TUBGCP3: variants seen among roughly 807,000 people sequenced by gnomAD.
TUBGCP3 encodes gamma-tubulin complex component 3.
In TUBGCP3, 50 loss-of-function variants were observed where a neutral mutation model predicts 123.1. The ratio of observed to expected loss-of-function variants is 0.41; its 90% CI spans 0.32 to 0.51. The LOEUF is 0.51. Ranked by LOEUF, TUBGCP3 falls within the 20% of genes least tolerant of loss-of-function variation. The pLI is 0.36. For synonymous variants in TUBGCP3, 405 were observed against 413.9 expected (o/e 0.98, Z 0.26); for missense variants, 882 against 1,127.0 (o/e 0.78, Z 3.11).
At chr13:112,526,565 A>G (rs1877126177) in intron 13 of TUBGCP3, among the ~76,000 whole-genome samples, 1 of 134,366 alleles carries the variant, frequency 7.4e-6, no homozygotes. Context: ...ACATCATCAC[A>G]TCACCATAAT....
chr13:112,526,942 C>T lies in TUBGCP3; in HGVS notation c.1555G>A (p.Ala519Thr). 2 of 1,608,788 alleles carry T rather than the reference C, an allele frequency of 1.2e-6. No homozygotes were observed. Among genetic ancestry groups the T allele is most frequent in the South Asian group, 1.1e-5 (1 of 90,670 alleles). The change falls in exon 13 of 22, where the codon GCT (alanine) becomes ACT (threonine). Residue 519 changes from alanine (A) to threonine (T), a missense_variant and splice_region_variant. Physicochemically the swap from Ala to Thr is moderately conservative, Grantham distance 58 (BLOSUM62 0). Transcript: ENST00000261965. ...CACCACCCCACCAGCATCATCATAC[C>T]GTCCTGGGGTGACTCTGCAGACTTG... ...VTKSAESPQD[A>T]ADLFTDLENA...
chr13:112,499,051 TTCA>T lies in TUBGCP3; in HGVS notation c.2439_2441del (p.Glu814del). On this transcript the variant is annotated inframe_deletion, in exon 20 of 22. Coordinates refer to ENST00000261965, the MANE Select transcript of TUBGCP3 (RefSeq NM_006322.6). ...ACAAGTGTAAAGACCATACCTCAAT[TTCA>T]CGCTGTTTCTTTTTCTCTTCAAACT... The T allele has an allele frequency of 6.2e-7, 1 of 1,614,182 alleles. No individual in the cohort carries two copies.
At chr13:112,602,861 A>G in the TUBGCP3 span, 2 of 148,960 alleles carry the variant, frequency 1.3e-5, no homozygotes, top group East Asian at 3.9e-4. Flanking sequence ...ATTTTGCACA[A>G]GTTATATTTC....
At chr13:112,525,033 C>G (rs933802591) in intron 13 of TUBGCP3, among the ~76,000 whole-genome samples, 4 of 152,156 alleles carry the variant, frequency 2.6e-5, no homozygotes, top group Non-Finnish European at 4.4e-5. Flanking sequence ...TCCAGAGAGC[C>G]AAGTCCTGTT....
chr13:112,583,358 G>C (rs1000549076), intron 1 of TUBGCP3, among the ~76,000 whole-genome samples: 3 of 152,086 alleles, frequency 2.0e-5, no homozygotes, highest in Non-Finnish European at 4.4e-5. Flanking sequence ...TACAAATAGA[G>C]AACAAATTAA....
At chr13:112,509,616 C>T (rs886517419) in intron 17 of TUBGCP3, among the ~76,000 whole-genome samples, 67 of 152,290 alleles carry the variant, frequency 4.4e-4, no homozygotes, top group African/African-American at 7.5e-4. Context: ...ACAATGAGTA[C>T]GGAGGACAGT....
intron 8 of TUBGCP3, among the ~76,000 whole-genome samples, chr13:112,549,530 T>A (rs1879377600): frequency 6.6e-6 from 1 of 152,142 alleles, no homozygotes; most frequent in Non-Finnish European, 1.5e-5. Context: ...TTATATCCCC[T>A]GTAAATATTC....
In TUBGCP3 at chr13:112,547,731, C is replaced by G. The variant is rs1441221451; in HGVS notation, c.1057G>C (p.Gly353Arg). 3.3e-6 allele frequency: 5 copies of G among 1,512,332 alleles called. No homozygotes were observed. The Admixed American group carries it at 6.7e-5, about 20-fold the overall frequency. The allele number at this position is 1,512,332 out of a possible 1,614,324, so 93.7% of individuals were successfully genotyped here. The change falls in exon 10 of 22, where the codon GGT (glycine) becomes CGT (arginine). Residue 353 changes from glycine (G) to arginine (R), a missense_variant. Transcript: ENST00000261965. ...HSQLQLEDDQ[G>R]VNLGLESSLT... ...CTACTCTCAAGTCCCAAATTCACAC[C>G]CTGGTCATCCTCTAGTTGTAGCTAA...
intron 21 of TUBGCP3, among the ~76,000 whole-genome samples, chr13:112,486,555 T>C (rs1316785454): frequency 6.6e-6 from 1 of 152,208 alleles, no homozygotes; most frequent in Non-Finnish European, 1.5e-5. Flanking sequence ...TGAAAGAGGA[T>C]TTCATCCTAG....
At chr13:112,581,736 G>A (rs371891975) in intron 1 of TUBGCP3, among the ~76,000 whole-genome samples, 8 of 152,112 alleles carry the variant, frequency 5.3e-5, no homozygotes, top group African/African-American at 7.2e-5. Context: ...GTGAGCCACC[G>A]TACCCAGCCA....
chr13:112,520,822 C>T (rs964502534), intron 14 of TUBGCP3, among the ~76,000 whole-genome samples: 3 of 152,150 alleles, frequency 2.0e-5, no homozygotes, highest in African/African-American at 4.8e-5. Flanking sequence ...CGTCTCTAAT[C>T]GGGGGTGACC....
intron 19 of TUBGCP3, among the ~76,000 whole-genome samples, chr13:112,503,344 G>A (rs1038654358): frequency 4.6e-5 from 7 of 152,152 alleles, no homozygotes; most frequent in Non-Finnish European, 8.8e-5. Context: ...TGTCATACAT[G>A]TCACCATGGT....
chr13:112,597,364 C>A, the TUBGCP3 span, among the ~76,000 whole-genome samples: 1 of 152,196 alleles, frequency 6.6e-6, no homozygotes. Flanking sequence ...TTGCAAGAAT[C>A]AAACATAAAT....
chr13:112,485,782 T>C lies in TUBGCP3; in HGVS notation c.*211A>G. The C allele has an allele frequency of 1.7e-6, 1 of 590,228 alleles. No individual in the cohort carries two copies. Among genetic ancestry groups the C allele is most frequent in the Non-Finnish European group, 3.0e-6 (1 of 336,750 alleles). 36.6% of individuals were successfully genotyped at this position (590,228 alleles called of 1,614,324 possible). A position where few individuals can be genotyped will look rare whatever the true frequency, so the allele number is the denominator to read the frequency against. ...ACAAATGTGAACAGTGCAGCCAGCC[T>C]ACTTGACTTAGGGATTTACAAATGC... On this transcript the variant is annotated 3_prime_UTR_variant, in exon 22 of 22. Coordinates refer to ENST00000261965, the MANE Select transcript of TUBGCP3 (RefSeq NM_006322.6).
At chr13:112,496,673 G>A (rs993535302) in intron 20 of TUBGCP3, among the ~76,000 whole-genome samples, 2 of 152,118 alleles carry the variant, frequency 1.3e-5, no homozygotes, top group East Asian at 1.9e-4. Flanking sequence ...CAGCGGACAC[G>A]CCATTAGCAC....
At chr13:112,583,885 T>A (rs1036762445) in intron 1 of TUBGCP3, among the ~76,000 whole-genome samples, 1 of 152,176 alleles carries the variant, frequency 6.6e-6, no homozygotes, top group Non-Finnish European at 1.5e-5. Context: ...CAGATGCAAG[T>A]CAGAGTAACT....
At chr13:112,550,608 G>A (rs555610427) in intron 8 of TUBGCP3, among the ~76,000 whole-genome samples, 7 of 152,294 alleles carry the variant, frequency 4.6e-5, no homozygotes, top group East Asian at 3.9e-4. Context: ...GAATAAATGC[G>A]GTAACGTAGG....
the TUBGCP3 span, among the ~76,000 whole-genome samples, chr13:112,593,995 A>T: frequency 1.3e-5 from 2 of 151,526 alleles, no homozygotes; most frequent in African/African-American, 4.9e-5. Flanking sequence ...AATGAATAGA[A>T]AATTTGAACA....
chr13:112,505,585 A>T (rs1031848981), intron 17 of TUBGCP3, among the ~76,000 whole-genome samples: 3 of 152,236 alleles, frequency 2.0e-5, no homozygotes, highest in Non-Finnish European at 4.4e-5. Flanking sequence ...CATACTTTTT[A>T]AAAAATACTC....
Sources: gnomAD v4.1 joint callset for allele counts (sites outside exome capture counted in the v4.1 genomes callset) on GRCh38, gnomAD v4.1.1 for gene constraint, MANE v1.5 for transcripts, NCBI Gene and HGNC (gene_info 2026-07-23, HGNC 2026-07-21) for gene names.